Variants in SCAPER observed in about 807,000 individuals in gnomAD.
The protein encoded by SCAPER is S phase cyclin A-associated protein in the endoplasmic reticulum.
In SCAPER, 98 loss-of-function variants were observed where a neutral mutation model predicts 182.2. That is an observed-to-expected ratio of 0.54 (90% CI 0.46 to 0.64). The LOEUF is 0.64. Ranked by LOEUF, SCAPER falls within the 30% of genes least tolerant of loss-of-function variation. The pLI is 0.00. For synonymous variants in SCAPER, 605 were observed against 564.6 expected (o/e 1.07, Z -1.01); for missense variants, 1,432 against 1,690.0 (o/e 0.85, Z 2.68).
intron 20 of SCAPER, among the ~76,000 whole-genome samples, chr15:76,688,297 G>T (rs562026810): frequency 1.3e-5 from 2 of 152,082 alleles, no homozygotes; most frequent in African/African-American, 4.8e-5. Flanking sequence ...TTTTCTTCCT[G>T]TAAACGTGTT....
At chr15:76,425,886 C>G (rs1451158819) in intron 26 of SCAPER, among the ~76,000 whole-genome samples, 16 of 152,204 alleles carry the variant, frequency 1.1e-4, no homozygotes, top group Admixed American at 1.0e-3. Flanking sequence ...CACTCCAGAC[C>G]CTGTTTGCCT....
intron 23 of SCAPER, among the ~76,000 whole-genome samples, chr15:76,546,664 C>G (rs1350443597): frequency 1.3e-5 from 2 of 152,060 alleles, no homozygotes; most frequent in Admixed American, 1.3e-4. Context: ...CTCTGTCTGT[C>G]ACACACAAAT....
intron 22 of SCAPER, among the ~76,000 whole-genome samples, chr15:76,602,634 TCA>T (rs2050005441): frequency 8.3e-6 from 1 of 121,182 alleles, no homozygotes; most frequent in African/African-American, 2.5e-5. Context: ...GGGAAAATTC[TCA>T]GTCATGATTG....
intron 21 of SCAPER, among the ~76,000 whole-genome samples, chr15:76,623,612 G>C (rs2052303216): frequency 6.6e-6 from 1 of 152,094 alleles, no homozygotes; most frequent in Admixed American, 6.6e-5. Context: ...TTACGTGTCT[G>C]CTTTTGTACC....
chr15:76,464,296 T>C (rs559619434), intron 25 of SCAPER, among the ~76,000 whole-genome samples: 6 of 152,270 alleles, frequency 3.9e-5, no homozygotes, highest in Admixed American at 2.0e-4. Context: ...ATTTCACTTA[T>C]AGCATCATCA....
intron 24 of SCAPER, among the ~76,000 whole-genome samples, chr15:76,497,777 G>A (rs2040697532): frequency 6.6e-6 from 1 of 151,836 alleles, no homozygotes; most frequent in Non-Finnish European, 1.5e-5. Flanking sequence ...TGGATCATGA[G>A]GTCACGAGAT....
In SCAPER at chr15:76,376,274, C is replaced by G. The variant is rs1364511361; in HGVS notation, c.3743G>C (p.Arg1248Pro). ...VGAEGLSLAF[R>P]HMASSLLGHC... ...GCCCAGCAGGGAGCTGGCCATGTGCCGGAATGCAAGGGACAAGCCCTCTGC... is the reference window on the plus strand; with the variant it reads ...GCCCAGCAGGGAGCTGGCCATGTGCGGGAATGCAAGGGACAAGCCCTCTGC... The change falls in exon 29 of 32, where the codon CGG becomes CCG. Residue 1248 changes from arginine (R) to proline (P), a missense_variant. Arg to Pro is a moderately radical substitution (Grantham distance 103, BLOSUM62 -2). This residue lies in a region of SCAPER where 718 missense variants were observed against 799.7 expected (regional missense o/e 0.90). Transcript: ENST00000563290. The G allele has an allele frequency of 1.2e-6, 2 of 1,613,706 alleles. No homozygotes were observed. The highest frequency in any genetic ancestry group is 1.3e-5 in the African/African-American group (1 of 75,004).
chr15:76,882,865 C>T (rs748727662), intron 2 of SCAPER, among the ~76,000 whole-genome samples: 19 of 152,108 alleles, frequency 1.2e-4, no homozygotes, highest in Non-Finnish European at 2.4e-4. Flanking sequence ...GGGGTTTCAC[C>T]GTGTTAGCCA....
chr15:76,422,477 G>A (rs2046115517), intron 26 of SCAPER, among the ~76,000 whole-genome samples: 2 of 152,188 alleles, frequency 1.3e-5, no homozygotes, highest in African/African-American at 4.8e-5. Flanking sequence ...TTTGTATCCT[G>A]AGACTTTGCT....
intron 26 of SCAPER, among the ~76,000 whole-genome samples, chr15:76,428,677 G>A (rs2046609952): frequency 6.6e-6 from 1 of 151,600 alleles, no homozygotes. Flanking sequence ...GTTGGTCAAT[G>A]GGTACAAGGC....
intron 23 of SCAPER, among the ~76,000 whole-genome samples, chr15:76,541,017 A>G (rs2044702863): frequency 6.6e-6 from 1 of 152,014 alleles, no homozygotes; most frequent in Admixed American, 6.6e-5. Context: ...GCTACTCAGG[A>G]GGCTGAGGCA....
At chr15:76,501,811 T>C (rs1332761017) in intron 24 of SCAPER, among the ~76,000 whole-genome samples, 4 of 152,164 alleles carry the variant, frequency 2.6e-5, no homozygotes, top group Non-Finnish European at 1.5e-5. Flanking sequence ...CCAGGGACTA[T>C]GGAAAGCCCA....
At chr15:76,719,920 TTTC>T (rs944395477) in intron 17 of SCAPER, among the ~76,000 whole-genome samples, 22 of 152,152 alleles carry the variant, frequency 1.4e-4, no homozygotes, top group African/African-American at 5.3e-4. Context: ...ATAAATGGTA[TTTC>T]TTTTTTTTTT....
chr15:76,541,302 C>G (rs1160514136), intron 23 of SCAPER, among the ~76,000 whole-genome samples: 2 of 152,010 alleles, frequency 1.3e-5, no homozygotes, highest in Non-Finnish European at 2.9e-5. Context: ...TGGAAATAAG[C>G]TGCTCTAATC....
chr15:76,813,227 TAAAAAAA>T (rs746891532), intron 5 of SCAPER, among the ~76,000 whole-genome samples: 13 of 17,284 alleles, frequency 7.5e-4, no homozygotes, highest in African/African-American at 2.4e-3. Context: ...ATCCTTTCAC[TAAAAAAA>T]AAAAAAAAAA....
intron 29 of SCAPER, among the ~76,000 whole-genome samples, chr15:76,366,855 G>C (rs549203029): frequency 6.6e-6 from 1 of 152,330 alleles, no homozygotes; most frequent in East Asian, 1.9e-4. Flanking sequence ...GGGAAGGGAA[G>C]CTGGCAGCTG....
At chr15:76,554,154 C>G (rs544476280) in intron 23 of SCAPER, among the ~76,000 whole-genome samples, 1 of 152,128 alleles carries the variant, frequency 6.6e-6, no homozygotes, top group Non-Finnish European at 1.5e-5. Flanking sequence ...TCTGATAGAG[C>G]TGAAAAATAC....
intron 27 of SCAPER, among the ~76,000 whole-genome samples, chr15:76,392,886 T>C (rs543008292): frequency 2.0e-5 from 3 of 152,328 alleles, no homozygotes; most frequent in Admixed American, 6.5e-5. Context: ...CCTGGACACA[T>C]TCTGCTCCTC....
At chr15:76,836,100 A>G (rs1217551460) in intron 5 of SCAPER, among the ~76,000 whole-genome samples, 3 of 152,196 alleles carry the variant, frequency 2.0e-5, no homozygotes, top group Non-Finnish European at 4.4e-5. Context: ...TCAAATTGCT[A>G]TACTGCCCAA....
Sources: gnomAD v4.1 joint callset for allele counts (sites outside exome capture counted in the v4.1 genomes callset) on GRCh38, gnomAD v4.1.1 for gene constraint, gnomAD v4.1.1 regional missense constraint, MANE v1.5 for transcripts, NCBI Gene and HGNC (gene_info 2026-07-23, HGNC 2026-07-21) for gene names.